The following CSMD1 variants were observed in gnomAD, a reference collection of about 807,000 sequenced individuals.
CSMD1 encodes the protein CUB and Sushi multiple domains 1, also known as CUB and sushi domain-containing protein 1.
In CSMD1, 213 loss-of-function variants were observed where a neutral mutation model predicts 417.5. That is an observed-to-expected ratio of 0.51 (90% CI 0.46 to 0.57). The LOEUF (loss-of-function observed/expected upper bound fraction) is 0.57, where lower values mean the gene tolerates loss of function less well. CSMD1 is among the 20% of genes least tolerant of loss of function. CSMD1 has a pLI of 0.00. For missense variants in CSMD1, 6,923 were observed against 4,529.7 expected, an observed-to-expected ratio of 1.53 and a Z score of -15.17; for synonymous variants, 2,862 against 1,736.8, an observed-to-expected ratio of 1.65 and a Z score of -16.11.
At chr8:3,696,018 A>G (rs1362956359) in intron 7 of CSMD1, among the ~76,000 whole-genome samples, 4 of 152,196 alleles carry the variant, frequency 2.6e-5, no homozygotes, top group Non-Finnish European at 5.9e-5. Context: ...TGGAAGACCT[A>G]CCATTTGTAT....
At chr8:3,798,321 G>A (rs990581150) in intron 5 of CSMD1, among the ~76,000 whole-genome samples, 3 of 151,900 alleles carry the variant, frequency 2.0e-5, no homozygotes. Flanking sequence ...TCTATCTTAA[G>A]ACAACTCAGT....
chr8:4,405,654 T>C (rs899064844), intron 3 of CSMD1, among the ~76,000 whole-genome samples: 12 of 152,338 alleles, frequency 7.9e-5, no homozygotes, highest in African/African-American at 2.6e-4. Context: ...TGCATTATCC[T>C]CGCATGAGAC....
At chr8:4,483,046 G>C (rs1801183846) in intron 2 of CSMD1, among the ~76,000 whole-genome samples, 3 of 152,130 alleles carry the variant, frequency 2.0e-5, no homozygotes, top group African/African-American at 7.2e-5. Context: ...ATCTCATCTT[G>C]GATTGGACTC....
chr8:4,659,825 A>G (rs946510449), intron 1 of CSMD1, among the ~76,000 whole-genome samples: 2 of 152,160 alleles, frequency 1.3e-5, no homozygotes, highest in Admixed American at 1.3e-4. Flanking sequence ...AAATTAATCT[A>G]TGTAACCATC....
At chr8:4,525,936 G>C (rs1351658826) in intron 2 of CSMD1, among the ~76,000 whole-genome samples, 1 of 152,156 alleles carries the variant, frequency 6.6e-6, no homozygotes, top group Non-Finnish European at 1.5e-5. Flanking sequence ...ACCAGGGGCA[G>C]AATATCCATG....
Position 4,366,685 on chromosome 8 carries a change from G to A in CSMD1, c.415+53268C>T, listed in dbSNP as rs889983930. On this transcript the variant is annotated intron_variant, in intron 3 of 69. Coordinates refer to ENST00000635120, the MANE Select transcript of CSMD1 (RefSeq NM_033225.6). ...TTGCATGTCTCTAATAGTTACTGAT[G>A]AGCGTTTTTTCTTTTTCTTTTATTT... Among the ~76,000 whole-genome samples the A allele has an allele frequency of 5.3e-5, 8 of 152,050 alleles. No homozygotes were observed. The South Asian group carries it at 6.2e-4, about 12-fold the overall frequency.
intron 2 of CSMD1, among the ~76,000 whole-genome samples, chr8:4,475,960 G>T (rs910988191): frequency 2.6e-5 from 4 of 151,926 alleles, no homozygotes; most frequent in African/African-American, 9.7e-5. Context: ...TCATTTTGTT[G>T]TCTGTATTTT....
chr8:4,047,879 C>T (rs1798230262), intron 3 of CSMD1, among the ~76,000 whole-genome samples: 1 of 151,994 alleles, frequency 6.6e-6, no homozygotes, highest in African/African-American at 2.4e-5. Context: ...ATAATATTTA[C>T]ATCACTGAGC....
intron 3 of CSMD1, among the ~76,000 whole-genome samples, chr8:4,353,113 G>A (rs559000018): frequency 1.3e-4 from 20 of 151,966 alleles, no homozygotes; most frequent in Admixed American, 1.2e-3. Flanking sequence ...TATAACATTC[G>A]GTTTATGTTC....
intron 50 of CSMD1, among the ~76,000 whole-genome samples, chr8:3,051,614 G>A (rs1321656645): frequency 6.6e-6 from 1 of 151,982 alleles, no homozygotes; most frequent in Non-Finnish European, 1.5e-5. Flanking sequence ...TTTTTTAAAG[G>A]AGATCATTCT....
At chr8:4,386,313 C>T (rs903288042) in intron 3 of CSMD1, among the ~76,000 whole-genome samples, 3 of 152,148 alleles carry the variant, frequency 2.0e-5, no homozygotes, top group Non-Finnish European at 4.4e-5. Flanking sequence ...CACTATCAGA[C>T]ATTCTCCTAC....
intron 1 of CSMD1, among the ~76,000 whole-genome samples, chr8:4,953,126 C>G (rs1320848214): frequency 1.3e-5 from 2 of 152,102 alleles, no homozygotes; most frequent in African/African-American, 2.4e-5. Context: ...CAGTTATTAA[C>G]TCAAATTAAC....
At chr8:4,110,448 A>T (rs570108271) in intron 3 of CSMD1, among the ~76,000 whole-genome samples, 2 of 152,164 alleles carry the variant, frequency 1.3e-5, no homozygotes, top group South Asian at 4.1e-4. Context: ...CTTTTCCTTT[A>T]AGCCAGATCC....
At chr8:4,168,778 A>G (rs1563215512) in intron 3 of CSMD1, among the ~76,000 whole-genome samples, 1 of 152,128 alleles carries the variant, frequency 6.6e-6, no homozygotes, top group Admixed American at 6.5e-5. Flanking sequence ...TCCTTACAAT[A>G]AAACTCTCCT....
At chr8:4,625,972 C>T (rs1294331367) in intron 2 of CSMD1, among the ~76,000 whole-genome samples, 1 of 152,134 alleles carries the variant, frequency 6.6e-6, no homozygotes, top group East Asian at 1.9e-4. Flanking sequence ...GATCTGCCCG[C>T]CTTGGTCTCC....
intron 2 of CSMD1, among the ~76,000 whole-genome samples, chr8:4,517,757 T>C (rs998324665): frequency 2.0e-5 from 3 of 152,186 alleles, no homozygotes; most frequent in Non-Finnish European, 4.4e-5. Flanking sequence ...ATGCTTCAAG[T>C]AATGGCTACC....
chr8:3,454,713 T>G (rs1438395301), intron 12 of CSMD1, among the ~76,000 whole-genome samples: 1 of 152,198 alleles, frequency 6.6e-6, no homozygotes, highest in Non-Finnish European at 1.5e-5. Context: ...CCCTTGTGGG[T>G]AACCCGACCT....
chr8:4,580,555 G>A (rs551558041), intron 2 of CSMD1, among the ~76,000 whole-genome samples: 2 of 152,030 alleles, frequency 1.3e-5, no homozygotes. Context: ...TCCCCATGTC[G>A]GGCGTCTCAT....
intron 2 of CSMD1, among the ~76,000 whole-genome samples, chr8:4,422,533 C>G (rs776280497): frequency 6.6e-6 from 1 of 152,046 alleles, no homozygotes; most frequent in African/African-American, 2.4e-5. Flanking sequence ...GAGCATGGAA[C>G]AGGAAGGATG....
Sources: allele counts gnomAD v4.1 joint callset (sites outside exome capture counted in the v4.1 genomes callset), GRCh38; gene constraint gnomAD v4.1.1; transcripts MANE v1.5; gene names NCBI Gene and HGNC (gene_info 2026-07-23, HGNC 2026-07-21).